Variants in SULT2B1 observed in about 807,000 individuals in gnomAD.
The protein encoded by SULT2B1 is sulfotransferase family 2B member 1.
In SULT2B1, 16 loss-of-function variants were observed where a neutral mutation model predicts 33.2. That is an observed-to-expected ratio of 0.48 (90% CI 0.33 to 0.73). The LOEUF is 0.73. SULT2B1 is among the 30% of genes least tolerant of loss of function. The probability of loss-of-function intolerance (pLI) is 0.02; values close to 1 mark genes in which losing one functional copy is unlikely to be tolerated. For missense variants in SULT2B1, 500 were observed against 506.0 expected, an observed-to-expected ratio of 0.99 and a Z score of 0.11; for synonymous variants, 186 against 200.5, an observed-to-expected ratio of 0.93 and a Z score of 0.61.
At chr19:48,589,411 T>C (rs1973614175) in intron 3 of SULT2B1, among the ~76,000 whole-genome samples, 1 of 151,992 alleles carries the variant, frequency 6.6e-6, no homozygotes, top group African/African-American at 2.4e-5. Flanking sequence ...AATGCACCCA[T>C]CGGGATCTGA....
At chr19:48,590,926 C>CG (rs1397120361) in intron 3 of SULT2B1, among the ~76,000 whole-genome samples, 2 of 151,930 alleles carry the variant, frequency 1.3e-5, no homozygotes, top group African/African-American at 4.8e-5. Context: ...CTCGACCTCC[C>CG]GGGCTCAAGT....
chr19:48,574,674 C>A (rs1407613805), intron 1 of SULT2B1, among the ~76,000 whole-genome samples: 1 of 152,206 alleles, frequency 6.6e-6, no homozygotes, highest in Non-Finnish European at 1.5e-5. Context: ...GCAGAGATTG[C>A]TCTTATCCTC....
intron 1 of SULT2B1, among the ~76,000 whole-genome samples, chr19:48,553,712 A>T (rs573674143): frequency 6.6e-6 from 1 of 152,166 alleles, no homozygotes; most frequent in Non-Finnish European, 1.5e-5. Context: ...CTCCAGAGAC[A>T]GGAGCAGTTC....
intron 2 of SULT2B1, among the ~76,000 whole-genome samples, chr19:48,585,394 G>T (rs538848321): frequency 7.9e-5 from 12 of 151,924 alleles, no homozygotes; most frequent in African/African-American, 2.9e-4. Context: ...TCAGCCGGGC[G>T]CAGTGGCTTA....
chr19:48,563,931 T>C (rs1000740782), intron 1 of SULT2B1, among the ~76,000 whole-genome samples: 2 of 143,192 alleles, frequency 1.4e-5, no homozygotes, highest in Admixed American at 7.2e-5. Flanking sequence ...GCCATTGAAC[T>C]CCAGCCTGGG....
intron 1 of SULT2B1, among the ~76,000 whole-genome samples, chr19:48,573,807 T>C (rs7257121): frequency 0.42 from 63,645 of 151,916 alleles, 14,316 homozygotes; most frequent in South Asian, 0.58. Flanking sequence ...TCTGTAGCAA[T>C]GGAAGCTACA....
chr19:48,590,173 G>C (rs1420344618), intron 3 of SULT2B1, among the ~76,000 whole-genome samples: 2 of 151,948 alleles, frequency 1.3e-5, no homozygotes, highest in East Asian at 3.9e-4. Context: ...ATTTTCAGTA[G>C]AGACGGGGTT....
intron 1 of SULT2B1, among the ~76,000 whole-genome samples, chr19:48,564,061 G>A (rs1006609109): frequency 6.6e-6 from 1 of 151,712 alleles, no homozygotes; most frequent in African/African-American, 2.4e-5. Flanking sequence ...GGCCAACATG[G>A]TGAATCCCCA....
intron 5 of SULT2B1, among the ~76,000 whole-genome samples, chr19:48,593,111 C>T (rs1204744576): frequency 2.0e-5 from 3 of 152,166 alleles, no homozygotes; most frequent in Non-Finnish European, 4.4e-5. Flanking sequence ...TGGCCGGACA[C>T]AGTGGTAGTG....
chr19:48,592,664 G>A, intron 4 of SULT2B1, 58 bp from the exon 5 acceptor site: 1 of 1,468,576 alleles, frequency 6.8e-7, no homozygotes, highest in Non-Finnish European at 9.3e-7. Flanking sequence ...ATGAGCCCCA[G>A]TGGGGCTGGG....
chr19:48,561,757 G>C (rs1213830530), intron 1 of SULT2B1, among the ~76,000 whole-genome samples: 2 of 152,140 alleles, frequency 1.3e-5, no homozygotes, highest in Non-Finnish European at 2.9e-5. Flanking sequence ...CCTAACGTGT[G>C]TTCCCCATCA....
intron 2 of SULT2B1, 132 bp downstream of exon 2, chr19:48,576,215 C>T (rs1973404182): frequency 1.3e-6 from 1 of 746,932 alleles, no homozygotes; most frequent in Non-Finnish European, 2.1e-6. Context: ...GGTGCCCCTG[C>T]CAGAAGTAGC....
At chr19:48,594,721 A>G (rs1973687571) in intron 5 of SULT2B1, among the ~76,000 whole-genome samples, 1 of 152,202 alleles carries the variant, frequency 6.6e-6, no homozygotes, top group Non-Finnish European at 1.5e-5. Flanking sequence ...GGTGCTGCAT[A>G]TCAGAAGGTA....
intron 1 of SULT2B1, among the ~76,000 whole-genome samples, chr19:48,564,292 G>A (rs1002290985): frequency 3.4e-4 from 52 of 150,824 alleles, no homozygotes; most frequent in African/African-American, 1.1e-3. Flanking sequence ...AGTGGCTCAC[G>A]CCTGAAACCC....
intron 6 of SULT2B1, among the ~76,000 whole-genome samples, chr19:48,598,451 G>T (rs867351041): frequency 1.3e-5 from 2 of 152,252 alleles, no homozygotes; most frequent in Middle Eastern, 3.4e-3. Flanking sequence ...AATTAGCCGG[G>T]CGTGGTGGTG....
chr19:48,574,582 C>T (rs1296024094), intron 1 of SULT2B1, among the ~76,000 whole-genome samples: 1 of 152,286 alleles, frequency 6.6e-6, no homozygotes, highest in Admixed American at 6.5e-5. Context: ...ACAGAGCTTC[C>T]GTTTCCTGAT....
At chr19:48,564,696 T>A (rs1010315931) in intron 1 of SULT2B1, among the ~76,000 whole-genome samples, 2 of 152,072 alleles carry the variant, frequency 1.3e-5, no homozygotes, top group Non-Finnish European at 2.9e-5. Context: ...TTTTTTACAG[T>A]GTCCCTTTCA....
At chr19:48,583,343 T>C (rs1973519028) in intron 2 of SULT2B1, among the ~76,000 whole-genome samples, 1 of 152,142 alleles carries the variant, frequency 6.6e-6, no homozygotes, top group East Asian at 1.9e-4. Flanking sequence ...TCCAGGAATA[T>C]GCCCAAAAGA....
intron 2 of SULT2B1, among the ~76,000 whole-genome samples, chr19:48,586,700 G>A (rs941475803): frequency 2.0e-5 from 3 of 152,218 alleles, no homozygotes; most frequent in South Asian, 2.1e-4. Flanking sequence ...CCCCTTGGAC[G>A]AGCGACATGG....
Sources: allele counts gnomAD v4.1 joint callset (sites outside exome capture counted in the v4.1 genomes callset), GRCh38; gene constraint gnomAD v4.1.1; transcripts MANE v1.5; gene names NCBI Gene and HGNC (gene_info 2026-07-23, HGNC 2026-07-21).